GBA2: variants seen among roughly 807,000 people sequenced by gnomAD.
GBA2 encodes the protein non-lysosomal glucosylceramidase.
A neutral mutation model predicts 112.9 loss-of-function variants in GBA2; 79 were observed. The observed-to-expected ratio is 0.70, with a 90% CI of 0.58 to 0.84. The LOEUF (loss-of-function observed/expected upper bound fraction) is 0.84, where lower values mean the gene tolerates loss of function less well. Among genes scored for constraint, GBA2 ranks in the 40% least tolerant of loss-of-function variants. The pLI, the probability that GBA2 is intolerant of heterozygous loss-of-function variation, is 0.00. For synonymous variants in GBA2, 403 were observed against 434.3 expected, an observed-to-expected ratio of 0.93 and a Z score of 0.90; for missense variants, 1,043 against 1,190.0, an observed-to-expected ratio of 0.88 and a Z score of 1.82.
In GBA2 at chr9:35,740,624, G is replaced by A. The variant is rs1273829463; in HGVS notation, c.1031C>T (p.Ala344Val). The A allele has an allele frequency of 1.9e-6, 3 of 1,612,622 alleles. No homozygotes were observed. Among genetic ancestry groups the A allele is most frequent in the South Asian group, 2.2e-5 (2 of 91,060 alleles). Residue 344 changes from alanine to valine, a missense_variant, in exon 6 of 17, where the codon GCT becomes GTT. Physicochemically the swap from Ala to Val is moderately conservative, Grantham distance 64. Transcript: ENST00000378103. The surrounding 1 kb of genome is among the most constrained non-coding windows in gnomAD (Gnocchi z 4.7). ...GGCTGTGATGTGGGTTACCGTGGTA[G>A]CTGCCTGTGAAGGGGTCAGGGACTG... is the stretch of plus-strand genomic sequence containing the variant. Reference protein sequence around the residue: ...TMAVAARVTAATTVTHITAFD... With the variant: ...TMAVAARVTAVTTVTHITAFD...
In GBA2 at chr9:35,746,891, T is replaced by C. The variant is rs76931732; in HGVS notation, c.359+1455A>G. ...GGACTCTGGCTGGAAGGGAGAACAA[T>C]TGAAATTGAGTTCTTACGAAGGTAA... On this transcript the variant is annotated intron_variant, in intron 1 of 16. Coordinates refer to ENST00000378103, the MANE Select transcript of GBA2 (RefSeq NM_020944.3). This position sits in a 1 kb window ranked among gnomAD's most constrained non-coding sequence, Gnocchi z 5.2. Among the ~76,000 whole-genome samples, 730 of 152,274 alleles carry C rather than the reference T, an allele frequency of 4.8e-3. 4 individuals are homozygous for C. Among genetic ancestry groups the C allele is most frequent in the Middle Eastern group, 0.017 (5 of 294 alleles).
chr9:35,745,324 C>A (rs1020396365), intron 1 of GBA2, among the ~76,000 whole-genome samples: 1 of 152,028 alleles, frequency 6.6e-6, no homozygotes, highest in Non-Finnish European at 1.5e-5. Flanking sequence ...GGGGTTTCAC[C>A]ATGTTAGCCA....
rs1316060502 is a variant in GBA2 at position 35,746,710 on chromosome 9, C to T, written c.359+1636G>A. Among the ~76,000 whole-genome samples, 2 of 152,092 alleles carry T rather than the reference C, an allele frequency of 1.3e-5. No individual in the cohort carries two copies. Among genetic ancestry groups the T allele is most frequent in the Non-Finnish European group, 2.9e-5 (2 of 68,028 alleles). On this transcript the variant is annotated intron_variant, in intron 1 of 16. Transcript: ENST00000378103. This position sits in a 1 kb window ranked among gnomAD's most constrained non-coding sequence, Gnocchi z 5.2. ...TCCTCTCTGCCAGCTTAGAGAAAAC[C>T]GGACTTTGAAACTAGAGACCAGAAA...
In GBA2 at chr9:35,737,601, G is replaced by A; in HGVS notation, c.2505+147C>T. On this transcript the variant is annotated intron_variant, in intron 16 of 16. Coordinates refer to ENST00000378103, the MANE Select transcript of GBA2 (RefSeq NM_020944.3). This position sits in a 1 kb window ranked among gnomAD's most constrained non-coding sequence, Gnocchi z 4.1. ...ACCCACAGACAGAAGCCTGAAGGCAGGAGCTGGAATGCATACCAGGGAAAA... is the reference window on the plus strand; with the variant it reads ...ACCCACAGACAGAAGCCTGAAGGCAAGAGCTGGAATGCATACCAGGGAAAA... 2 of 1,566,526 alleles carry A rather than the reference G, an allele frequency of 1.3e-6. No homozygotes were observed. The highest frequency in any genetic ancestry group is 1.7e-6 in the Non-Finnish European group (2 of 1,154,400).
At position 35,738,244 on chromosome 9, in the gene GBA2, G is replaced by A; in HGVS notation, c.2185C>T (p.Leu729=). The A allele has an allele frequency of 6.2e-7, 1 of 1,614,194 alleles. No homozygotes were observed. Among genetic ancestry groups the A allele is most frequent in the Non-Finnish European group, 8.5e-7 (1 of 1,180,024 alleles). The change falls in exon 14 of 17, where the codon CTG becomes TTG. Residue 729 remains leucine, a synonymous_variant. Transcript: ENST00000378103. ...LSRGQEAYER[L]LWNGRYYNYD... is the part of the protein sequence containing the mutation. Reference sequence around the variant, plus strand: ...TCCCCGAACTCACCATTCCACAGCAGTCTCTCATAGGCTTCTTGGCCCCGG... The same window carrying A: ...TCCCCGAACTCACCATTCCACAGCAATCTCTCATAGGCTTCTTGGCCCCGG...
chr9:35,745,143 CAG>C (rs1826909725), intron 1 of GBA2, among the ~76,000 whole-genome samples: 1 of 151,590 alleles, frequency 6.6e-6, no homozygotes, highest in African/African-American at 2.4e-5. Flanking sequence ...TTTTTTGAGA[CAG>C]AGTTTCGTTC....
chr9:35,740,415 A>G lies in GBA2; in HGVS notation c.1130-53T>C. The G allele has an allele frequency of 1.3e-6, 2 of 1,593,618 alleles. No homozygotes were observed. The highest frequency in any genetic ancestry group is 2.2e-5 in the South Asian group (2 of 90,262). On this transcript the variant is annotated intron_variant, in intron 6 of 16. Coordinates refer to ENST00000378103, the MANE Select transcript of GBA2 (RefSeq NM_020944.3). The surrounding 1 kb of genome is among the most constrained non-coding windows in gnomAD (Gnocchi z 4.7). ...CAGGAGCCCCTTCAGCCCCAGGGAT[A>G]GGGATCCCTAACATGGAAACAAGGC...
At chr9:35,745,131 T>A (rs548867919) in intron 1 of GBA2, among the ~76,000 whole-genome samples, 47 of 152,196 alleles carry the variant, frequency 3.1e-4, no homozygotes, top group South Asian at 2.7e-3. Flanking sequence ...ATTTATTATT[T>A]TTTTTTTGAG....
chr9:35,740,752 G>A lies in GBA2; in HGVS notation c.1026+73C>T. ...CAGGGGCTTACAGGAGTATGATGAGGGTGGATGAAGAGACCATGCTGGGGT... is the reference window on the plus strand; with the variant it reads ...CAGGGGCTTACAGGAGTATGATGAGAGTGGATGAAGAGACCATGCTGGGGT... On this transcript the variant is annotated intron_variant, in intron 5 of 16. Coordinates refer to ENST00000378103, the MANE Select transcript of GBA2 (RefSeq NM_020944.3). The surrounding 1 kb of genome is among the most constrained non-coding windows in gnomAD (Gnocchi z 4.7). 1.3e-6 allele frequency: 2 copies of A among 1,576,028 alleles called. No individual in the cohort carries two copies.
Position 35,740,199 on chromosome 9 carries a change from G to A in GBA2, c.1283+10C>T. Reference sequence around the variant, plus strand: ...CACTCTGGATCCTTACACTTTCTTGGTCCCCTCACCTGTAGTGGACTTGGC... The same window carrying A: ...CACTCTGGATCCTTACACTTTCTTGATCCCCTCACCTGTAGTGGACTTGGC... On this transcript the variant is annotated intron_variant, in intron 7 of 16. Coordinates refer to ENST00000378103, the MANE Select transcript of GBA2 (RefSeq NM_020944.3). This position sits in a 1 kb window ranked among gnomAD's most constrained non-coding sequence, Gnocchi z 4.7. 1 of 1,613,976 alleles carries A rather than the reference G, an allele frequency of 6.2e-7. No individual in the cohort carries two copies. The highest frequency in any genetic ancestry group is 8.5e-7 in the Non-Finnish European group (1 of 1,179,912).
Position 35,738,017 on chromosome 9 carries a change from T to G in GBA2, c.2313+20A>C. On this transcript the variant is annotated intron_variant, in intron 15 of 16. Coordinates refer to ENST00000378103, the MANE Select transcript of GBA2 (RefSeq NM_020944.3). ...GGGAAAACCCATTTTTCTCTCTGGC[T>G]GCTCCTCCTCCTCTCTCACCTCAGT... is the stretch of plus-strand genomic sequence containing the variant. 6.3e-7 allele frequency: 1 copy of G among 1,595,140 alleles called. No individual in the cohort carries two copies. Among genetic ancestry groups the G allele is most frequent in the Non-Finnish European group, 8.6e-7 (1 of 1,167,348 alleles).
Position 35,746,548 on chromosome 9 carries a change from A to C in GBA2, c.359+1798T>G, listed in dbSNP as rs1487675158. Among the ~76,000 whole-genome samples the C allele has an allele frequency of 2.0e-5, 3 of 152,130 alleles. No individual in the cohort carries two copies. Among genetic ancestry groups the C allele is most frequent in the African/African-American group, 7.2e-5 (3 of 41,420 alleles). On this transcript the variant is annotated intron_variant, in intron 1 of 16. Coordinates refer to ENST00000378103, the MANE Select transcript of GBA2 (RefSeq NM_020944.3). The surrounding 1 kb of genome is among the most constrained non-coding windows in gnomAD (Gnocchi z 5.2). ...GGAGGTTGCACTGAGCTGAGATTGC[A>C]CCATTGTACTCCAGCCTGGGTGACA...
chr9:35,748,871 G>C lies in GBA2; in HGVS notation c.-167C>G. The C allele has an allele frequency of 5.3e-6, 3 of 561,500 alleles. No homozygotes were observed. The highest frequency in any genetic ancestry group is 9.4e-6 in the Non-Finnish European group (3 of 318,442). The allele number at this position is 561,500 out of a possible 1,614,324, so 34.8% of individuals were successfully genotyped here. A position where few individuals can be genotyped will look rare whatever the true frequency, so the allele number is the denominator to read the frequency against. The stretch of plus-strand genomic sequence containing the variant: ...GAGCCGGGGAGCTCTTGCTTCAGTG[G>C]GGGCGGCGACAGCAAAGAAGCCGCC... On this transcript the variant is annotated 5_prime_UTR_variant, in exon 1 of 17. Coordinates refer to ENST00000378103, the MANE Select transcript of GBA2 (RefSeq NM_020944.3).
Position 35,741,574 on chromosome 9 carries a change from A to C in GBA2, c.786+98T>G. 1 of 824,894 alleles carries C rather than the reference A, an allele frequency of 1.2e-6. No individual in the cohort carries two copies. The highest frequency in any genetic ancestry group is 2.1e-6 in the Non-Finnish European group (1 of 467,154). The allele number at this position is 824,894 out of a possible 1,614,324, so 51.1% of individuals were successfully genotyped here. ...TGGCCTCCCAAAGTGTTGGGATTAC[A>C]GGCGTGAGCTACCGCGCCTCGCAGG... On this transcript the variant is annotated intron_variant, in intron 4 of 16. Coordinates refer to ENST00000378103, the MANE Select transcript of GBA2 (RefSeq NM_020944.3). The surrounding 1 kb of genome is among the most constrained non-coding windows in gnomAD (Gnocchi z 4.6).
Position 35,748,327 on chromosome 9 carries a change from G to T in GBA2, c.359+19C>A. 6.9e-7 allele frequency: 1 copy of T among 1,451,002 alleles called. No individual in the cohort carries two copies. Among genetic ancestry groups the T allele is most frequent in the Non-Finnish European group, 9.5e-7 (1 of 1,049,144 alleles). The allele number at this position is 1,451,002 out of a possible 1,614,324, so 89.9% of individuals were successfully genotyped here. On this transcript the variant is annotated intron_variant, in intron 1 of 16. Coordinates refer to ENST00000378103, the MANE Select transcript of GBA2 (RefSeq NM_020944.3). ...ACAAAGTGAAGCCAAAGGCATTCTAGGCAATGGGGTCTACTCACCTCAAGC... is the reference window on the plus strand; with the variant it reads ...ACAAAGTGAAGCCAAAGGCATTCTATGCAATGGGGTCTACTCACCTCAAGC...
In GBA2 at chr9:35,741,623, G is replaced by C. The variant is rs1490815643; in HGVS notation, c.786+49C>G. ...GGCCATGCAGTTTCTAGCAGAGGCAGGTCCTGGGGAAGGGAGGGCAATGGA... is the reference window on the plus strand; with the variant it reads ...GGCCATGCAGTTTCTAGCAGAGGCACGTCCTGGGGAAGGGAGGGCAATGGA... On this transcript the variant is annotated intron_variant, in intron 4 of 16. Transcript: ENST00000378103. This position sits in a 1 kb window ranked among gnomAD's most constrained non-coding sequence, Gnocchi z 4.6. The C allele has an allele frequency of 3.3e-6, 4 of 1,228,442 alleles. No homozygotes were observed. Among genetic ancestry groups the C allele is most frequent in the East Asian group, 2.3e-5 (1 of 43,124 alleles). 76.1% of individuals were successfully genotyped at this position (1,228,442 alleles called of 1,614,324 possible).
chr9:35,747,618 ATGACCTCAGGG>A (rs1827039201), intron 1 of GBA2, among the ~76,000 whole-genome samples: 1 of 152,156 alleles, frequency 6.6e-6, no homozygotes, highest in Non-Finnish European at 1.5e-5. Context: ...CTGAGTCAGG[ATGACCTCAGGG>A]TGATGCTTTC....
chr9:35,745,849 G>A (rs968863052), intron 1 of GBA2, among the ~76,000 whole-genome samples: 1 of 152,070 alleles, frequency 6.6e-6, no homozygotes, highest in African/African-American at 2.4e-5. Context: ...GCCACATTAT[G>A]CCTACTGTTC....
At chr9:35,739,224 G>A (rs1231865026) in intron 10 of GBA2, 91 bp downstream of exon 10, 2 of 1,059,460 alleles carry the variant, frequency 1.9e-6, no homozygotes, top group African/African-American at 1.6e-5. Flanking sequence ...ACGTATGAAG[G>A]GAAGGGAAAG....
Sources: gnomAD v4.1 joint callset for allele counts (sites outside exome capture counted in the v4.1 genomes callset) on GRCh38, gnomAD v4.1.1 for gene constraint, Gnocchi (gnomAD v3.1) non-coding constraint, MANE v1.5 for transcripts, NCBI Gene and HGNC (gene_info 2026-07-23, HGNC 2026-07-21) for gene names.